SGCD: variants seen among roughly 807,000 people sequenced by gnomAD.
The protein encoded by SGCD is sarcoglycan delta, also known as delta-sarcoglycan.
In SGCD, 18 loss-of-function variants were observed where a neutral mutation model predicts 36.6. That is an observed-to-expected ratio of 0.49 (90% CI 0.34 to 0.73). The LOEUF (loss-of-function observed/expected upper bound fraction) is 0.73, where lower values mean the gene tolerates loss of function less well. SGCD is among the 30% of genes least tolerant of loss of function. The pLI, the probability that SGCD is intolerant of heterozygous loss-of-function variation, is 0.01. For missense variants in SGCD, 387 were observed against 346.7 expected (o/e 1.12, Z -0.92); for synonymous variants, 133 against 130.6 (o/e 1.02, Z -0.12).
At chr5:156,575,574 T>C (rs1419531041) in intron 4 of SGCD, among the ~76,000 whole-genome samples, 1 of 152,184 alleles carries the variant, frequency 6.6e-6, no homozygotes, top group Non-Finnish European at 1.5e-5. Flanking sequence ...ACCAGGACTG[T>C]AGACATTAAG....
intron 4 of SGCD, among the ~76,000 whole-genome samples, chr5:156,529,233 T>C (rs745832542): frequency 9.2e-5 from 14 of 152,098 alleles, no homozygotes; most frequent in Admixed American, 2.6e-4. Flanking sequence ...AAGACCATCC[T>C]GGCCAACATG....
At chr5:156,718,749 G>A (rs926184651) in intron 7 of SGCD, among the ~76,000 whole-genome samples, 70 of 150,198 alleles carry the variant, frequency 4.7e-4, no homozygotes, top group Non-Finnish European at 4.6e-4. Flanking sequence ...CAGGAGGATC[G>A]CTTGAAGCCA....
intron 3 of SGCD, among the ~76,000 whole-genome samples, chr5:156,291,848 G>A (rs1766765325): frequency 6.6e-6 from 1 of 151,912 alleles, no homozygotes; most frequent in Non-Finnish European, 1.5e-5. Context: ...TACCTTATAT[G>A]CTTATCATTT....
chr5:156,397,728 G>A (rs1771935945), intron 3 of SGCD, among the ~76,000 whole-genome samples: 1 of 152,280 alleles, frequency 6.6e-6, no homozygotes. Context: ...AACCAGCCAC[G>A]CGGAGCCCTC....
intron 1 of SGCD, among the ~76,000 whole-genome samples, chr5:155,945,030 A>G (rs951163872): frequency 6.6e-6 from 1 of 152,186 alleles, no homozygotes; most frequent in South Asian, 2.1e-4. Context: ...TTCTGATTTT[A>G]GGTACCAAAA....
chr5:156,068,767 C>T (rs1444359113), intron 1 of SGCD, among the ~76,000 whole-genome samples: 1 of 151,752 alleles, frequency 6.6e-6, no homozygotes, highest in African/African-American at 2.4e-5. Context: ...TATTTCTCCA[C>T]ATCCTCTCCA....
chr5:156,353,758 G>T (rs1769369225), intron 3 of SGCD, among the ~76,000 whole-genome samples: 1 of 151,952 alleles, frequency 6.6e-6, no homozygotes, highest in South Asian at 2.1e-4. Flanking sequence ...CCAAAATGTT[G>T]TTTTTTAAAA....
intron 2 of SGCD, among the ~76,000 whole-genome samples, chr5:156,336,167 C>T (rs757459483): frequency 3.9e-5 from 6 of 152,314 alleles, no homozygotes; most frequent in African/African-American, 1.2e-4. Flanking sequence ...CACTGTCCTC[C>T]TCACCTGCCA....
chr5:155,806,093 A>G, the SGCD span, among the ~76,000 whole-genome samples: 5 of 152,338 alleles, frequency 3.3e-5, no homozygotes, highest in East Asian at 9.6e-4. Flanking sequence ...TTAGAATGAT[A>G]GACTTTGAAG....
At chr5:156,083,506 G>T (rs1232063719) in intron 1 of SGCD, among the ~76,000 whole-genome samples, 1 of 151,024 alleles carries the variant, frequency 6.6e-6, no homozygotes, top group Non-Finnish European at 1.5e-5. Flanking sequence ...TGTTGGTCAG[G>T]TTGGTCTCGA....
rs1759970238 is a variant in SGCD at position 156,053,348 on chromosome 5, ACAGGGAAG to A, written c.-281-64528_-281-64521del. Among the ~76,000 whole-genome samples the A allele has an allele frequency of 1.4e-5, 2 of 146,008 alleles. 1 individual carries two copies. Among genetic ancestry groups the A allele is most frequent in the Non-Finnish European group, 3.1e-5 (2 of 64,752 alleles). ...GGGCAGCAGCTGTCACTGCTCAGTG[ACAGGGAAG>A]CCGAAGGTGAAAAAGGCCCAGGATG... is the stretch of plus-strand genomic sequence containing the variant. On this transcript the variant is annotated intron_variant, in intron 1 of 9. Transcript: ENST00000517913.
chr5:156,186,962 A>G (rs6860628), intron 3 of SGCD, among the ~76,000 whole-genome samples: 47,581 of 152,102 alleles, frequency 0.31, 7,896 homozygotes, highest in Non-Finnish European at 0.36. Flanking sequence ...AAGTTTTGGA[A>G]ACTCAAAAGT....
chr5:156,751,799 T>TG (rs1325510833), intron 7 of SGCD, among the ~76,000 whole-genome samples: 1 of 152,208 alleles, frequency 6.6e-6, no homozygotes, highest in African/African-American at 2.4e-5. Flanking sequence ...AGCAAGAAAG[T>TG]GAACAACTGG....
chr5:156,595,380 T>C (rs183408637), intron 6 of SGCD, among the ~76,000 whole-genome samples: 1 of 152,312 alleles, frequency 6.6e-6, no homozygotes, highest in East Asian at 1.9e-4. Flanking sequence ...TCTCAGACTT[T>C]AAGCCTCCAG....
intron 1 of SGCD, among the ~76,000 whole-genome samples, chr5:156,069,435 G>T (rs1760460269): frequency 6.6e-6 from 1 of 152,054 alleles, no homozygotes; most frequent in African/African-American, 2.4e-5. Context: ...GATAGTTGTA[G>T]ATATGTGGCG....
upstream of SGCD, among the ~76,000 whole-genome samples, chr5:156,323,143 A>G (rs1767716818): frequency 6.6e-6 from 1 of 152,196 alleles, no homozygotes; most frequent in Admixed American, 6.5e-5. Context: ...AGAGTGGTCC[A>G]AGCTGACATG....
intron 7 of SGCD, among the ~76,000 whole-genome samples, chr5:156,694,979 A>C (rs1026333682): frequency 6.6e-6 from 1 of 152,244 alleles, no homozygotes; most frequent in Non-Finnish European, 1.5e-5. Context: ...AGCACTGAGT[A>C]AATGAATATT....
intron 3 of SGCD, among the ~76,000 whole-genome samples, chr5:156,457,353 A>T (rs1348392207): frequency 6.6e-6 from 1 of 152,234 alleles, no homozygotes; most frequent in Non-Finnish European, 1.5e-5. Flanking sequence ...AATATGTAGT[A>T]GTTGTTCACA....
the SGCD span, among the ~76,000 whole-genome samples, chr5:155,782,031 T>C: frequency 6.7e-5 from 10 of 150,324 alleles, no homozygotes; most frequent in Admixed American, 5.9e-4. Flanking sequence ...CTTTTCTTTT[T>C]TTTTTTTTTT....
Sources: allele counts gnomAD v4.1 joint callset (sites outside exome capture counted in the v4.1 genomes callset), GRCh38; gene constraint gnomAD v4.1.1; transcripts MANE v1.5; gene names NCBI Gene and HGNC (gene_info 2026-07-23, HGNC 2026-07-21).